RPS6KA2: variants seen among roughly 807,000 people sequenced by gnomAD.
RPS6KA2 encodes ribosomal protein S6 kinase A2, also known as ribosomal protein S6 kinase alpha-2.
RPS6KA2 carries 42 observed loss-of-function variants against 91.8 expected under a neutral mutation model. The ratio of observed to expected loss-of-function variants is 0.46; its 90% CI spans 0.36 to 0.59. RPS6KA2 has a LOEUF of 0.59. Among genes scored for constraint, RPS6KA2 ranks in the 20% least tolerant of loss-of-function variants. The pLI, the probability that RPS6KA2 is intolerant of heterozygous loss-of-function variation, is 0.00. For missense variants in RPS6KA2, 798 were observed against 978.5 expected (o/e 0.82, Z 2.46); for synonymous variants, 414 against 393.6 (o/e 1.05, Z -0.61).
chr6:166,547,004 A>G (rs1443078547), intron 1 of RPS6KA2, among the ~76,000 whole-genome samples: 1 of 152,112 alleles, frequency 6.6e-6, no homozygotes, highest in African/African-American at 2.4e-5. Flanking sequence ...ACTGGAGTGC[A>G]GTGGCATGAT....
At chr6:166,577,347 C>T (rs1454823617) in intron 1 of RPS6KA2, among the ~76,000 whole-genome samples, 1 of 152,218 alleles carries the variant, frequency 6.6e-6, no homozygotes, top group Non-Finnish European at 1.5e-5. Flanking sequence ...ACAGCTTGCA[C>T]TGTGTGCCTG....
chr6:166,690,931 A>G (rs1371614503), intron 2 of RPS6KA2, among the ~76,000 whole-genome samples: 1 of 152,196 alleles, frequency 6.6e-6, no homozygotes, highest in African/African-American at 2.4e-5. Flanking sequence ...ATAATGTTTT[A>G]TAAAGGACAT....
chr6:166,756,576 G>T (rs1778015811), intron 2 of RPS6KA2, among the ~76,000 whole-genome samples: 1 of 152,184 alleles, frequency 6.6e-6, no homozygotes, highest in Non-Finnish European at 1.5e-5. Flanking sequence ...GGCTGGGTGT[G>T]GCGGCTCACA....
At chr6:166,701,331 T>G (rs1789513357) in intron 2 of RPS6KA2, 2 of 1,580,456 alleles carry the variant, frequency 1.3e-6, no homozygotes, top group Non-Finnish European at 1.7e-6. Context: ...TTCCAGTAAC[T>G]GCCAGCAGCA....
intron 2 of RPS6KA2, among the ~76,000 whole-genome samples, chr6:166,647,969 TACAC>T (rs5881705): frequency 0.18 from 19,940 of 113,758 alleles, 1,428 homozygotes; most frequent in Middle Eastern, 0.31. Flanking sequence ...CTTACATACA[TACAC>T]ACATGCTCAC....
chr6:166,764,192 C>G (rs757657923), intron 2 of RPS6KA2, among the ~76,000 whole-genome samples: 1 of 152,134 alleles, frequency 6.6e-6, no homozygotes, highest in Non-Finnish European at 1.5e-5. Flanking sequence ...TGAGGCTGAG[C>G]CCCAGCTCAG....
intron 2 of RPS6KA2, among the ~76,000 whole-genome samples, chr6:166,697,795 A>T (rs186580011): frequency 1.3e-5 from 2 of 152,326 alleles, no homozygotes; most frequent in Admixed American, 1.3e-4. Flanking sequence ...ATGGAAACAC[A>T]CACACCCGAC....
chr6:166,541,251 C>G (rs56292717), intron 1 of RPS6KA2, among the ~76,000 whole-genome samples: 1 of 152,238 alleles, frequency 6.6e-6, no homozygotes, highest in African/African-American at 2.4e-5. Flanking sequence ...AATTCAACAC[C>G]GCCCAGAGGT....
chr6:166,569,557 C>A (rs1784619358), intron 1 of RPS6KA2, among the ~76,000 whole-genome samples: 1 of 152,166 alleles, frequency 6.6e-6, no homozygotes, highest in Non-Finnish European at 1.5e-5. Flanking sequence ...GGCATTCTCA[C>A]CACCCTCTTG....
rs1780673532 is a variant in RPS6KA2 at position 166,849,092 on chromosome 6, C to A, written c.123+9108G>T. Among the ~76,000 whole-genome samples, 2 of 152,166 alleles carry A rather than the reference C, an allele frequency of 1.3e-5. No homozygotes were observed. Among genetic ancestry groups the A allele is most frequent in the Non-Finnish European group, 2.9e-5 (2 of 68,012 alleles). On this transcript the variant is annotated intron_variant, in intron 2 of 21. Coordinates refer to the RPS6KA2 transcript ENST00000503859. This position sits in a 1 kb window ranked among gnomAD's most constrained non-coding sequence, Gnocchi z 4.9. ...CATCTCAGGCCAGCCTGGGCAGCCC[C>A]AGGCCTGCACATGGTTCCTGAAGCC... is the stretch of plus-strand genomic sequence containing the variant.
chr6:166,556,583 T>C (rs1478739389), intron 1 of RPS6KA2, among the ~76,000 whole-genome samples: 1 of 152,214 alleles, frequency 6.6e-6, no homozygotes, highest in Non-Finnish European at 1.5e-5. Context: ...GGAATGAAGA[T>C]GACCAAGTCA....
intron 2 of RPS6KA2, among the ~76,000 whole-genome samples, chr6:166,856,633 T>G (rs1032024873): frequency 6.6e-6 from 1 of 152,150 alleles, no homozygotes; most frequent in Non-Finnish European, 1.5e-5. Flanking sequence ...ATCACATAAG[T>G]CTGTCTGCAG....
At chr6:166,653,846 G>A (rs141725412) in intron 2 of RPS6KA2, among the ~76,000 whole-genome samples, 15 of 152,278 alleles carry the variant, frequency 9.9e-5, no homozygotes, top group African/African-American at 3.6e-4. Context: ...TGCACAAAAT[G>A]CAAACAAAAC....
intron 2 of RPS6KA2, among the ~76,000 whole-genome samples, chr6:166,638,449 C>T (rs772484589): frequency 2.6e-5 from 4 of 152,142 alleles, no homozygotes; most frequent in African/African-American, 4.8e-5. Context: ...AAATGAACAA[C>T]GTCGCTCTTG....
At chr6:166,772,531 T>C (rs929227469) in intron 2 of RPS6KA2, among the ~76,000 whole-genome samples, 3 of 152,220 alleles carry the variant, frequency 2.0e-5, no homozygotes, top group African/African-American at 7.2e-5. Flanking sequence ...TTGATTCTGT[T>C]TCTATAACTT....
intron 2 of RPS6KA2, among the ~76,000 whole-genome samples, chr6:166,816,772 C>A (rs2128621963): frequency 6.6e-6 from 1 of 152,262 alleles, no homozygotes; most frequent in Non-Finnish European, 1.5e-5. Context: ...GTCAACTGGT[C>A]AGGTTGGAAA....
intron 5 of RPS6KA2, among the ~76,000 whole-genome samples, chr6:166,507,367 AACACAC>A (rs3837033): frequency 1.2e-5 from 1 of 80,298 alleles, no homozygotes; most frequent in Non-Finnish European, 2.5e-5. Flanking sequence ...CAGCACACCC[AACACAC>A]ACACACACAC....
At chr6:166,844,021 A>C (rs1436217216) in intron 2 of RPS6KA2, among the ~76,000 whole-genome samples, 2 of 152,064 alleles carry the variant, frequency 1.3e-5, no homozygotes, top group Non-Finnish European at 2.9e-5. Context: ...ATAAAAAAAA[A>C]CATGTTATAC....
chr6:166,539,922 G>A lies in RPS6KA2; in HGVS notation c.100-1138C>T, dbSNP rs1261857627. ...TTCTACAGTTTTAGCTCGGGGTGAGGGGCTGAAAAACTTCAGAAACTGCTG... is the reference window on the plus strand; with the variant it reads ...TTCTACAGTTTTAGCTCGGGGTGAGAGGCTGAAAAACTTCAGAAACTGCTG... On this transcript the variant is annotated intron_variant, in intron 1 of 20. Transcript: ENST00000265678. 3.3e-5 allele frequency among the ~76,000 whole-genome samples: 5 copies of A among 152,278 alleles called. No individual in the cohort carries two copies. The East Asian group carries it at 9.6e-4, about 29-fold the overall frequency.
Sources: allele counts gnomAD v4.1 joint callset (sites outside exome capture counted in the v4.1 genomes callset), GRCh38; gene constraint gnomAD v4.1.1; non-coding constraint Gnocchi (gnomAD v3.1); transcripts MANE v1.5; gene names NCBI Gene and HGNC (gene_info 2026-07-23, HGNC 2026-07-21).